Variants in LRP1B observed in about 807,000 individuals in gnomAD.
The protein encoded by LRP1B is LDL receptor related protein 1B, also known as low-density lipoprotein receptor-related protein 1B.
Under a neutral mutation model 556.6 loss-of-function variants are expected in LRP1B, and 217 were observed. That is an observed-to-expected ratio of 0.39 (90% CI 0.35 to 0.44). The LOEUF (loss-of-function observed/expected upper bound fraction) is 0.44, where lower values mean the gene tolerates loss of function less well. LRP1B is among the 20% of genes least tolerant of loss of function. The pLI, the probability that LRP1B is intolerant of heterozygous loss-of-function variation, is 1.00. For missense variants in LRP1B, 5,053 were observed against 5,620.8 expected (o/e 0.90, Z 3.23); for synonymous variants, 2,047 against 1,865.8 (o/e 1.10, Z -2.50).
intron 18 of LRP1B, among the ~76,000 whole-genome samples, chr2:140,966,220 T>C (rs566205408): frequency 5.7e-4 from 87 of 152,262 alleles, no homozygotes; most frequent in African/African-American, 2.0e-3. Context: ...GCACCTGTTG[T>C]TTCCTGACTT....
chr2:141,036,425 C>T (rs947172998), intron 11 of LRP1B, among the ~76,000 whole-genome samples: 5 of 152,002 alleles, frequency 3.3e-5, no homozygotes, highest in African/African-American at 1.2e-4. Context: ...CCATCCAATC[C>T]TGACTCTTCT....
chr2:141,630,932 A>G (rs1204081299), intron 2 of LRP1B, among the ~76,000 whole-genome samples: 3 of 152,184 alleles, frequency 2.0e-5, no homozygotes, highest in African/African-American at 7.2e-5. Context: ...GAAACATATT[A>G]CAGTACTCTC....
chr2:141,895,238 T>G (rs1699417370), intron 1 of LRP1B, among the ~76,000 whole-genome samples: 1 of 152,084 alleles, frequency 6.6e-6, no homozygotes, highest in Non-Finnish European at 1.5e-5. Flanking sequence ...TGGATAGTAG[T>G]TGGAGCCAAT....
chr2:140,382,601 A>G (rs1242524304), intron 67 of LRP1B, among the ~76,000 whole-genome samples: 1 of 152,202 alleles, frequency 6.6e-6, no homozygotes, highest in Admixed American at 6.5e-5. Flanking sequence ...TAATAAAATG[A>G]CAATGAACTA....
At chr2:141,333,733 C>T (rs1687744159) in intron 3 of LRP1B, among the ~76,000 whole-genome samples, 2 of 152,174 alleles carry the variant, frequency 1.3e-5, no homozygotes, top group African/African-American at 4.8e-5. Context: ...AAATCCAGAT[C>T]TTCTGAGTCC....
intron 7 of LRP1B, among the ~76,000 whole-genome samples, chr2:141,082,798 G>A (rs1352285517): frequency 6.6e-6 from 1 of 152,132 alleles, no homozygotes; most frequent in Non-Finnish European, 1.5e-5. Context: ...GTTAAAAAAT[G>A]GCTATGAATA....
Position 141,059,036 on chromosome 2 carries a change from T to A in LRP1B, c.1255A>T (p.Ile419Leu), listed in dbSNP as rs774505782. ...TACAAATAATCTTCAAACACAGTTATACCATAAAGATGTCTAACCTATAAA... is the reference window on the plus strand; with the variant it reads ...TACAAATAATCTTCAAACACAGTTAAACCATAAAGATGTCTAACCTATAAA... ...QGRQVRHLYG[I>L]TVFEDYLYAT... Residue 419 changes from isoleucine to leucine, a missense_variant, in exon 9 of 91, where the codon ATA becomes TTA. Ile to Leu is a conservative substitution (Grantham distance 5, BLOSUM62 2). Coordinates refer to ENST00000389484, the MANE Select transcript of LRP1B (RefSeq NM_018557.3). 6.4e-7 allele frequency: 1 copy of A among 1,568,928 alleles called. No individual in the cohort carries two copies. The highest frequency in any genetic ancestry group is 8.6e-7 in the Non-Finnish European group (1 of 1,156,654).
chr2:141,429,986 G>C (rs1361645454), intron 3 of LRP1B, among the ~76,000 whole-genome samples: 1 of 152,128 alleles, frequency 6.6e-6, no homozygotes, highest in Non-Finnish European at 1.5e-5. Context: ...CTGTCTGAGG[G>C]CCTTTGGTCT....
At chr2:141,850,562 T>C (rs1697814118) in intron 1 of LRP1B, among the ~76,000 whole-genome samples, 1 of 150,116 alleles carries the variant, frequency 6.7e-6, no homozygotes, top group Non-Finnish European at 1.5e-5. Context: ...TATATATGTG[T>C]GTGTGTGTAT....
At chr2:141,147,250 G>A (rs1397707827) in intron 7 of LRP1B, among the ~76,000 whole-genome samples, 1 of 152,090 alleles carries the variant, frequency 6.6e-6, no homozygotes, top group Non-Finnish European at 1.5e-5. Context: ...AGGCTCTTCA[G>A]TGCCTCAACA....
intron 1 of LRP1B, among the ~76,000 whole-genome samples, chr2:142,038,378 GCT>G (rs1440511399): frequency 6.6e-6 from 1 of 151,602 alleles, no homozygotes; most frequent in Non-Finnish European, 1.5e-5. Flanking sequence ...AAGCTCAGCT[GCT>G]AACAAACTCA....
At chr2:140,759,235 A>C (rs1243854287) in intron 35 of LRP1B, among the ~76,000 whole-genome samples, 1 of 152,158 alleles carries the variant, frequency 6.6e-6, no homozygotes, top group Non-Finnish European at 1.5e-5. Context: ...GAAGTTGAAT[A>C]GTCAAAAAGC....
At chr2:141,218,150 C>G (rs114773144) in intron 6 of LRP1B, among the ~76,000 whole-genome samples, 1 of 151,950 alleles carries the variant, frequency 6.6e-6, no homozygotes, top group Non-Finnish European at 1.5e-5. Context: ...AATTAGTTCT[C>G]GATTGCAGAA....
intron 35 of LRP1B, among the ~76,000 whole-genome samples, chr2:140,721,461 A>G (rs425840): frequency 2.0e-5 from 3 of 151,398 alleles, no homozygotes; most frequent in Non-Finnish European, 4.4e-5. Flanking sequence ...TGTGATATCC[A>G]CAAATTTGAT....
At chr2:140,256,508 C>A (rs1333658550) in intron 86 of LRP1B, among the ~76,000 whole-genome samples, 1 of 99,568 alleles carries the variant, frequency 1.0e-5, no homozygotes, top group Non-Finnish European at 1.8e-5. Context: ...CTTGCTTTGT[C>A]GTCAGGCTGG....
Position 141,306,406 on chromosome 2 carries a change from A to G in LRP1B, c.344-51765T>C, listed in dbSNP as rs58497900. 4.6e-3 allele frequency among the ~76,000 whole-genome samples: 697 copies of G among 152,030 alleles called. 6 individuals are homozygous for G. Among genetic ancestry groups the G allele is most frequent in the African/African-American group, 0.016 (664 of 41,502 alleles). The stretch of plus-strand genomic sequence containing the variant: ...TTATCAATATTCTTTAGGTTTTCCA[A>G]TTTGGTAGTATGTCATTGTTTATAA... On this transcript the variant is annotated intron_variant, in intron 3 of 90. Transcript: ENST00000389484.
chr2:141,770,572 C>T (rs914405803), intron 2 of LRP1B, among the ~76,000 whole-genome samples: 7 of 152,162 alleles, frequency 4.6e-5, no homozygotes, highest in Admixed American at 1.3e-4. Flanking sequence ...TTTTTATTGC[C>T]AGAAATGCAT....
At chr2:140,869,830 G>C (rs1222766601) in intron 25 of LRP1B, among the ~76,000 whole-genome samples, 1 of 152,058 alleles carries the variant, frequency 6.6e-6, no homozygotes, top group Admixed American at 6.6e-5. Context: ...ACAAATTTCA[G>C]GAGCTTAAAA....
intron 3 of LRP1B, among the ~76,000 whole-genome samples, chr2:141,332,133 A>G (rs1687678495): frequency 6.6e-6 from 1 of 151,710 alleles, no homozygotes; most frequent in African/African-American, 2.4e-5. Flanking sequence ...CTTCTCCACT[A>G]CACTGCAGAC....
Sources: gnomAD v4.1 joint callset for allele counts (sites outside exome capture counted in the v4.1 genomes callset) on GRCh38, gnomAD v4.1.1 for gene constraint, MANE v1.5 for transcripts, NCBI Gene and HGNC (gene_info 2026-07-23, HGNC 2026-07-21) for gene names.